Variants in NUP98 observed in about 807,000 individuals in gnomAD.
NUP98 encodes nuclear pore complex protein Nup98-Nup96.
A neutral mutation model predicts 191.9 loss-of-function variants in NUP98; 26 were observed. The ratio of observed to expected loss-of-function variants is 0.14; its 90% CI spans 0.10 to 0.19. The LOEUF (loss-of-function observed/expected upper bound fraction) is 0.19, where lower values mean the gene tolerates loss of function less well. Ranked by LOEUF, NUP98 falls within the 10% of genes least tolerant of loss-of-function variation. The pLI is 1.00. For missense variants in NUP98, 1,941 were observed against 2,178.8 expected (o/e 0.89, Z 2.17); for synonymous variants, 808 against 778.4 (o/e 1.04, Z -0.63).
At chr11:3,793,289 T>A (rs2082416278) in intron 1 of NUP98, among the ~76,000 whole-genome samples, 1 of 152,026 alleles carries the variant, frequency 6.6e-6, no homozygotes, top group Non-Finnish European at 1.5e-5. Flanking sequence ...ACTGGTACAT[T>A]TAGAGGTCTT....
intron 12 of NUP98, among the ~76,000 whole-genome samples, chr11:3,742,604 C>A (rs2080323605): frequency 6.7e-6 from 1 of 148,454 alleles, no homozygotes; most frequent in Non-Finnish European, 1.5e-5. Context: ...GAAGCTGAGG[C>A]AGCAGAATTG....
intron 8 of NUP98, among the ~76,000 whole-genome samples, chr11:3,764,158 A>ATTTT (rs34952026): frequency 1.3e-5 from 2 of 150,320 alleles, no homozygotes; most frequent in South Asian, 2.1e-4. Context: ...TTTTCTATGG[A>ATTTT]TTTTTTTTTT....
In NUP98 at chr11:3,735,339, A is replaced by AG. The variant is rs1358667211; in HGVS notation, c.1409-16_1409-15insC. ...ATCTGTCAAAGCTTTTAAAAAAAAA[A>AG]AAAGAAAACAAAATATATATATATA... On this transcript the variant is annotated splice_polypyrimidine_tract_variant and intron_variant, in intron 12 of 32. Coordinates refer to ENST00000324932, the MANE Select transcript of NUP98 (RefSeq NM_016320.5). 8 of 1,374,600 alleles carry AG rather than the reference A, an allele frequency of 5.8e-6. No homozygotes were observed. The highest frequency in any genetic ancestry group is 7.6e-6 in the Non-Finnish European group (8 of 1,051,364). The allele number at this position is 1,374,600 out of a possible 1,614,324, so 85.2% of individuals were successfully genotyped here. A position where few individuals can be genotyped will look rare whatever the true frequency, so the allele number is the denominator to read the frequency against.
At chr11:3,722,105 CTTTTTTTTTT>C (rs923606079) in intron 16 of NUP98, among the ~76,000 whole-genome samples, 1 of 108,264 alleles carries the variant, frequency 9.2e-6, no homozygotes. Flanking sequence ...ACCTGGAATT[CTTTTTTTTTT>C]TTTTTTTTTT....
chr11:3,704,596 C>G (rs1408090034), intron 22 of NUP98, among the ~76,000 whole-genome samples: 1 of 152,208 alleles, frequency 6.6e-6, no homozygotes, highest in Non-Finnish European at 1.5e-5. Flanking sequence ...TCAGAGCTTA[C>G]TATCTAATCC....
intron 8 of NUP98, among the ~76,000 whole-genome samples, chr11:3,764,825 G>A (rs1159616622): frequency 6.6e-6 from 1 of 152,218 alleles, no homozygotes; most frequent in Admixed American, 6.5e-5. Flanking sequence ...TGATCTGCCT[G>A]CCTCGGCTTC....
Position 3,705,365 on chromosome 11 carries a change from G to A in NUP98, c.2926-9C>T. On this transcript the variant is annotated splice_polypyrimidine_tract_variant and intron_variant, in intron 21 of 32. Transcript: ENST00000324932. ...AATGATGCTTTCATGATCTAAAAAG[G>A]CAATATCTATAGAATGAATGTGCTT... 2 of 1,613,472 alleles carry A rather than the reference G, an allele frequency of 1.2e-6. No homozygotes were observed. The highest frequency in any genetic ancestry group is 1.7e-4 in the Middle Eastern group (1 of 6,052).
intron 25 of NUP98, 194 bp downstream of exon 25, chr11:3,698,888 T>G: frequency 3.2e-6 from 2 of 629,232 alleles, no homozygotes; most frequent in Non-Finnish European, 5.4e-6. Context: ...ACCTTAAACA[T>G]TGTTTACTTG....
chr11:3,690,385 G>GAGT (rs543331080), intron 28 of NUP98, among the ~76,000 whole-genome samples: 5 of 151,924 alleles, frequency 3.3e-5, no homozygotes, highest in Non-Finnish European at 7.4e-5. Flanking sequence ...TCAGCCTCCT[G>GAGT]AGTAGCTGGG....
intron 18 of NUP98, among the ~76,000 whole-genome samples, chr11:3,716,245 T>C (rs2079176109): frequency 6.6e-6 from 1 of 152,206 alleles, no homozygotes; most frequent in Admixed American, 6.5e-5. Context: ...TTTGGGTTAA[T>C]CTTTGTATAT....
chr11:3,760,454 C>CT (rs766006952), intron 10 of NUP98, 85 bp downstream of exon 10: 6 of 1,601,384 alleles, frequency 3.7e-6, no homozygotes, highest in Middle Eastern at 1.7e-4. Context: ...GTCAGTGTAA[C>CT]TTTAAGAGAG....
chr11:3,794,073 C>A (rs2082446927), intron 1 of NUP98, among the ~76,000 whole-genome samples: 1 of 152,194 alleles, frequency 6.6e-6, no homozygotes, highest in Admixed American at 6.5e-5. Context: ...CTGATCGTTA[C>A]AACCTGCAGA....
intron 16 of NUP98, among the ~76,000 whole-genome samples, chr11:3,722,761 C>T (rs1279826167): frequency 4.6e-5 from 7 of 151,996 alleles, no homozygotes; most frequent in African/African-American, 1.7e-4. Flanking sequence ...TGCAGTGAGC[C>T]AAGACTGCGA....
chr11:3,758,237 C>T (rs926274486), intron 10 of NUP98, among the ~76,000 whole-genome samples: 1 of 151,444 alleles, frequency 6.6e-6, no homozygotes, highest in African/African-American at 2.4e-5. Context: ...AGGAGAATGG[C>T]GTGAACCCAG....
At chr11:3,678,305 A>G (rs114831824) in intron 31 of NUP98, among the ~76,000 whole-genome samples, 14,059 of 152,238 alleles carry the variant, frequency 0.092, 826 homozygotes, top group Non-Finnish European at 0.14. Context: ...AACTTGCTCA[A>G]GATTACATAG....
chr11:3,765,331 G>A (rs1481145160), intron 8 of NUP98, among the ~76,000 whole-genome samples: 1 of 152,188 alleles, frequency 6.6e-6, no homozygotes, highest in Non-Finnish European at 1.5e-5. Context: ...CTCCTGAGTA[G>A]CTGGGATGAC....
chr11:3,785,172 T>C (rs560392682), intron 1 of NUP98, among the ~76,000 whole-genome samples: 3 of 150,766 alleles, frequency 2.0e-5, no homozygotes, highest in Admixed American at 1.3e-4. Flanking sequence ...AAAAATACAG[T>C]TATGGCAAAA....
intron 2 of NUP98, among the ~76,000 whole-genome samples, chr11:3,780,193 T>G (rs946986996): frequency 6.6e-6 from 1 of 151,576 alleles, no homozygotes; most frequent in Non-Finnish European, 1.5e-5. Context: ...GACATGGACG[T>G]AGAATTCTTT....
Position 3,685,736 on chromosome 11 carries a change from T to C in NUP98, c.4676+237A>G, listed in dbSNP as rs563473301. 2.6e-4 allele frequency among the ~76,000 whole-genome samples: 39 copies of C among 152,346 alleles called. No individual in the cohort carries two copies. The Middle Eastern group carries it at 0.01, about 40-fold the overall frequency. ...TTTTTTCTCAGACTGCTGAGAGACT[T>C]TGTGATAAATATTATAATTTGGCAC... On this transcript the variant is annotated intron_variant, in intron 29 of 32. Coordinates refer to ENST00000324932, the MANE Select transcript of NUP98 (RefSeq NM_016320.5).
Sources: allele counts gnomAD v4.1 joint callset (sites outside exome capture counted in the v4.1 genomes callset), GRCh38; gene constraint gnomAD v4.1.1; transcripts MANE v1.5; gene names NCBI Gene and HGNC (gene_info 2026-07-23, HGNC 2026-07-21).